IGSF5: variants seen among roughly 807,000 people sequenced by gnomAD.
IGSF5 encodes the protein immunoglobulin superfamily 5 like.
IGSF5 carries 41 observed loss-of-function variants against 39.4 expected under a neutral mutation model. The ratio of observed to expected loss-of-function variants is 1.04; its 90% confidence interval spans 0.81 to 1.35. IGSF5 has a LOEUF of 1.35. IGSF5 is among the 40% of genes most tolerant of loss of function. The probability of loss-of-function intolerance (pLI) is 0.00; values close to 1 mark genes in which losing one functional copy is unlikely to be tolerated. For synonymous variants in IGSF5, 183 were observed against 175.3 expected (o/e 1.04, Z -0.34); for missense variants, 487 against 494.6 (o/e 0.98, Z 0.15).
chr21:39,779,228 G>C lies in IGSF5; in HGVS notation c.857G>C (p.Arg286Pro). 1 of 1,611,394 alleles carries C rather than the reference G, an allele frequency of 6.2e-7. No homozygotes were observed. The highest frequency in any genetic ancestry group is 8.5e-7 in the Non-Finnish European group (1 of 1,177,936). The change falls in exon 5 of 9, where the codon CGC (arginine) becomes CCC (proline). Residue 286 changes from arginine to proline, a missense_variant. Transcript: ENST00000380588. ...ACGCCGACGTGTACTCTTACAATAC[G>C]CTGCTGCTGCTGCCGCCGTCGTTGT... ...LLTPTCTLTIRCCCCRRRCCG... is the reference protein window; with the variant it reads ...LLTPTCTLTIPCCCCRRRCCG...
chr21:39,723,512 G>A, the IGSF5 span, among the ~76,000 whole-genome samples: 1 of 152,196 alleles, frequency 6.6e-6, no homozygotes, highest in African/African-American at 2.4e-5. Context: ...AAATTACACA[G>A]AGTATGATTA....
At chr21:39,717,974 A>T in the IGSF5 span, among the ~76,000 whole-genome samples, 1 of 152,322 alleles carries the variant, frequency 6.6e-6, no homozygotes, top group Admixed American at 6.5e-5. Context: ...ATCCATGAGC[A>T]TGCAGTGTTT....
chr21:39,773,441 T>A (rs1688712330), intron 4 of IGSF5, among the ~76,000 whole-genome samples: 1 of 152,186 alleles, frequency 6.6e-6, no homozygotes, highest in Non-Finnish European at 1.5e-5. Context: ...GGCTTTCTTT[T>A]GTTAAACAAA....
At chr21:39,722,288 C>G in the IGSF5 span, among the ~76,000 whole-genome samples, 2 of 152,196 alleles carry the variant, frequency 1.3e-5, no homozygotes, top group Admixed American at 1.3e-4. Context: ...GTGCTGTACT[C>G]AATGCACCCT....
chr21:39,794,090 G>A (rs1601143518), intron 8 of IGSF5, among the ~76,000 whole-genome samples: 1 of 152,304 alleles, frequency 6.6e-6, no homozygotes, highest in African/African-American at 2.4e-5. Flanking sequence ...AATGTAGTTT[G>A]CTCTGCATGC....
At chr21:39,760,870 G>C (rs1482490350) in intron 2 of IGSF5, among the ~76,000 whole-genome samples, 1 of 152,034 alleles carries the variant, frequency 6.6e-6, no homozygotes, top group Non-Finnish European at 1.5e-5. Context: ...TTACCTGGCT[G>C]TCAAGTCTTA....
intron 4 of IGSF5, 136 bp from the exon 5 acceptor site, chr21:39,778,954 T>G (rs2146286760): frequency 1.1e-6 from 1 of 923,302 alleles, no homozygotes; most frequent in Non-Finnish European, 1.6e-6. Context: ...TGAAAGAAAC[T>G]TGGCCTATGA....
chr21:39,780,044 C>T (rs2080162517), intron 5 of IGSF5, among the ~76,000 whole-genome samples: 1 of 152,134 alleles, frequency 6.6e-6, no homozygotes, highest in Non-Finnish European at 1.5e-5. Flanking sequence ...GAGAACAGGT[C>T]TTAGATATTC....
chr21:39,724,849 G>A, the IGSF5 span, among the ~76,000 whole-genome samples: 6 of 152,328 alleles, frequency 3.9e-5, no homozygotes, highest in South Asian at 1.2e-3. Context: ...GATGAAAGGA[G>A]TCTAGGCCTG....
At chr21:39,747,448 G>A (rs1484383488) in intron 2 of IGSF5, among the ~76,000 whole-genome samples, 3 of 152,146 alleles carry the variant, frequency 2.0e-5, no homozygotes, top group African/African-American at 7.2e-5. Context: ...TGGCCTGGGG[G>A]GTTCCAGGAA....
chr21:39,759,217 T>C (rs970014468), intron 2 of IGSF5, among the ~76,000 whole-genome samples: 3 of 152,232 alleles, frequency 2.0e-5, no homozygotes, highest in African/African-American at 7.2e-5. Flanking sequence ...GCCTAAGAAA[T>C]GTTTTGTGAC....
intron 2 of IGSF5, among the ~76,000 whole-genome samples, chr21:39,764,639 C>T (rs1014196182): frequency 2.0e-5 from 3 of 152,196 alleles, no homozygotes; most frequent in African/African-American, 4.8e-5. Flanking sequence ...TGCACCTGGC[C>T]TACCTTGCCA....
rs533042252 is a variant in IGSF5, at chr21:39,795,319, G to A, written c.1128+1706G>A. ...GGAAGGGAGTGATTGTTGGGCTGTG[G>A]GGTGGCTGGCTGAGGGGCTCGCTCC... On this transcript the variant is annotated intron_variant, in intron 8 of 8. Coordinates refer to ENST00000380588, the MANE Select transcript of IGSF5 (RefSeq NM_001080444.2). 1.9e-4 allele frequency among the ~76,000 whole-genome samples: 29 copies of A among 152,182 alleles called. No individual in the cohort carries two copies. In the East Asian group the frequency reaches 5.4e-3, roughly 28 times the overall value.
At chr21:39,742,432 A>T (rs1001646484), upstream of IGSF5, among the ~76,000 whole-genome samples, 11 of 152,212 alleles carry the variant, frequency 7.2e-5, no homozygotes, top group African/African-American at 2.7e-4. Context: ...TCCAGGAGAC[A>T]GTTAACCTCT....
the IGSF5 span, among the ~76,000 whole-genome samples, chr21:39,721,958 G>A: frequency 6.6e-6 from 1 of 152,118 alleles, no homozygotes; most frequent in East Asian, 1.9e-4. Context: ...CAGCTTTGTG[G>A]TCCCTTTGTC....
intron 4 of IGSF5, among the ~76,000 whole-genome samples, chr21:39,777,538 G>A (rs933706936): frequency 2.0e-5 from 3 of 152,156 alleles, no homozygotes; most frequent in Non-Finnish European, 4.4e-5. Flanking sequence ...CTGGGAAGGT[G>A]TGGAATGGGA....
At chr21:39,755,968 G>A (rs9753841) in intron 2 of IGSF5, among the ~76,000 whole-genome samples, 123,451 of 151,156 alleles carry the variant, frequency 0.82, 50,608 homozygotes, top group Admixed American at 0.86. Context: ...TTAGCCAGGC[G>A]TACTTCCAGC....
chr21:39,783,479 T>C (rs1232885082), intron 5 of IGSF5, among the ~76,000 whole-genome samples: 2 of 152,206 alleles, frequency 1.3e-5, no homozygotes, highest in Non-Finnish European at 2.9e-5. Context: ...GTTGAATGTT[T>C]TTTCATACAT....
Position 39,791,997 on chromosome 21 carries a change from T to C in IGSF5, c.957-11T>C. 1 of 1,575,032 alleles carries C rather than the reference T, an allele frequency of 6.3e-7. No individual in the cohort carries two copies. Among genetic ancestry groups the C allele is most frequent in the Non-Finnish European group, 8.7e-7 (1 of 1,149,724 alleles). The stretch of plus-strand genomic sequence containing the variant: ...AACAATTAACATGAACATAAAATGG[T>C]CTAATTGTAGGAAATCTGAAAAAGA... On this transcript the variant is annotated splice_polypyrimidine_tract_variant and intron_variant, in intron 6 of 8. Coordinates refer to ENST00000380588, the MANE Select transcript of IGSF5 (RefSeq NM_001080444.2).
Sources: gnomAD v4.1 joint callset for allele counts (sites outside exome capture counted in the v4.1 genomes callset) on GRCh38, gnomAD v4.1.1 for gene constraint, MANE v1.5 for transcripts, NCBI Gene and HGNC (gene_info 2026-07-23, HGNC 2026-07-21) for gene names.